BRINP3: variants seen among roughly 807,000 people sequenced by gnomAD.
BRINP3 encodes BMP/retinoic acid inducible neural specific 3, also known as BMP/retinoic acid-inducible neural-specific protein 3.
A neutral mutation model predicts 71.0 loss-of-function variants in BRINP3; 19 were observed. The ratio of observed to expected loss-of-function variants is 0.27; its 90% CI spans 0.19 to 0.39. The LOEUF (loss-of-function observed/expected upper bound fraction) is 0.39. Among genes scored for constraint, BRINP3 ranks in the 10% least tolerant of loss-of-function variants. BRINP3 has a pLI of 1.00. For synonymous variants in BRINP3, 380 were observed against 337.7 expected (o/e 1.13, Z -1.37); for missense variants, 959 against 940.8 (o/e 1.02, Z -0.25).
chr1:190,422,748 C>G (rs1349531804), intron 2 of BRINP3, among the ~76,000 whole-genome samples: 1 of 151,788 alleles, frequency 6.6e-6, no homozygotes, highest in Non-Finnish European at 1.5e-5. Flanking sequence ...AAGTCTAAAC[C>G]TCATTCGAAA....
At chr1:190,276,848 G>T (rs1026035076) in intron 3 of BRINP3, among the ~76,000 whole-genome samples, 9 of 150,004 alleles carry the variant, frequency 6.0e-5, no homozygotes, top group Non-Finnish European at 1.3e-4. Flanking sequence ...TAATCAAAAT[G>T]TATATTATCT....
chr1:190,304,559 C>T (rs537395752), intron 2 of BRINP3, among the ~76,000 whole-genome samples: 14 of 151,736 alleles, frequency 9.2e-5, no homozygotes, highest in Admixed American at 2.0e-4. Context: ...ACTGGGAAAA[C>T]GATATTATCA....
At chr1:190,181,001 T>A (rs149995712) in intron 6 of BRINP3, among the ~76,000 whole-genome samples, 1 of 152,038 alleles carries the variant, frequency 6.6e-6, no homozygotes, top group African/African-American at 2.4e-5. Context: ...TCAGTACTAT[T>A]CTATCACTAC....
rs1222291505 is a variant in BRINP3, at chr1:190,165,443, GT to G, written c.962-4554del. On this transcript the variant is annotated intron_variant, in intron 6 of 7. Coordinates refer to ENST00000367462, the MANE Select transcript of BRINP3 (RefSeq NM_199051.3). ...GCAAGTATGCTCTGTTTCATTGGCT[GT>G]TTTTTTTTTTTTTTTTTGTGTGTGT... 8.9e-3 allele frequency among the ~76,000 whole-genome samples: 416 copies of G among 46,594 alleles called. 3 individuals are homozygous for G. The highest frequency in any genetic ancestry group is 0.017 in the Admixed American group (69 of 4,114). The allele number at this position is 46,594 out of a possible 152,430, so 30.6% of individuals were successfully genotyped here.
chr1:190,189,443 C>T (rs181854793), intron 6 of BRINP3, among the ~76,000 whole-genome samples: 31 of 151,972 alleles, frequency 2.0e-4, no homozygotes, highest in Middle Eastern at 3.4e-3. Context: ...CTTTCTTCAT[C>T]CCTTCTATTA....
chr1:190,237,737 T>C (rs1015061492), intron 4 of BRINP3, among the ~76,000 whole-genome samples: 1 of 152,060 alleles, frequency 6.6e-6, no homozygotes, highest in Non-Finnish European at 1.5e-5. Context: ...TTATTTTATT[T>C]GTTTCCTAGT....
At chr1:190,412,336 A>C (rs1672721336) in intron 2 of BRINP3, among the ~76,000 whole-genome samples, 1 of 150,132 alleles carries the variant, frequency 6.7e-6, no homozygotes, top group African/African-American at 2.4e-5. Flanking sequence ...TAAAAATCAT[A>C]TACTGTAAAT....
At chr1:190,463,936 G>A (rs985827921) in intron 1 of BRINP3, among the ~76,000 whole-genome samples, 6 of 151,716 alleles carry the variant, frequency 4.0e-5, no homozygotes, top group South Asian at 2.1e-4. Context: ...TAGGCCATTC[G>A]TCCTATAAAT....
intron 6 of BRINP3, among the ~76,000 whole-genome samples, chr1:190,205,256 C>A (rs1655396625): frequency 7.0e-6 from 1 of 143,046 alleles, no homozygotes; most frequent in African/African-American, 2.6e-5. Context: ...TAGATGTATG[C>A]AACTTCTGAG....
intron 2 of BRINP3, among the ~76,000 whole-genome samples, chr1:190,452,687 C>T (rs1418635181): frequency 6.6e-6 from 1 of 152,160 alleles, no homozygotes; most frequent in African/African-American, 2.4e-5. Context: ...GAAATCCCGT[C>T]TCTACCAACA....
At position 190,198,494 on chromosome 1, in the gene BRINP3, G is replaced by A. The variant is rs187453351; in HGVS notation, c.961+27588C>T. Among the ~76,000 whole-genome samples the A allele has an allele frequency of 7.0e-4, 106 of 151,820 alleles. 2 individuals carry two copies. Among genetic ancestry groups the A allele is most frequent in the Non-Finnish European group, 2.7e-4 (18 of 67,840 alleles). On this transcript the variant is annotated intron_variant, in intron 6 of 7. Transcript: ENST00000367462. ...ATATTTGTGAATATATACATAAAACGGAATGATTTTAACAGCACCCAAATC... is the reference window on the plus strand; with the variant it reads ...ATATTTGTGAATATATACATAAAACAGAATGATTTTAACAGCACCCAAATC...
intron 6 of BRINP3, among the ~76,000 whole-genome samples, chr1:190,201,800 C>T (rs966109086): frequency 5.9e-5 from 9 of 152,278 alleles, no homozygotes; most frequent in South Asian, 2.1e-4. Context: ...TGTGAATGCA[C>T]GGAAGTCAAG....
At chr1:190,135,427 A>G (rs1033995404) in intron 7 of BRINP3, among the ~76,000 whole-genome samples, 5 of 152,044 alleles carry the variant, frequency 3.3e-5, no homozygotes, top group Non-Finnish European at 7.4e-5. Context: ...GCATTTAGAA[A>G]TTTGTTATAA....
At position 190,307,840 on chromosome 1, in the gene BRINP3, A is replaced by G. The variant is rs1183194399; in HGVS notation, c.237-26090T>C. Among the ~76,000 whole-genome samples the G allele has an allele frequency of 3.3e-5, 5 of 152,162 alleles. No individual in the cohort carries two copies. In the East Asian group the frequency reaches 9.7e-4, roughly 29 times the overall value. On this transcript the variant is annotated intron_variant, in intron 2 of 7. Coordinates refer to ENST00000367462, the MANE Select transcript of BRINP3 (RefSeq NM_199051.3). The stretch of plus-strand genomic sequence containing the variant: ...CTGCAAGATGGTGGATTGTCCTACC[A>G]TAAAAATAATTAAATGTGTGACTAA...
At chr1:190,203,102 C>T (rs949457814) in intron 6 of BRINP3, among the ~76,000 whole-genome samples, 1 of 152,102 alleles carries the variant, frequency 6.6e-6, no homozygotes, top group African/African-American at 2.4e-5. Flanking sequence ...TTCTTCAATT[C>T]TGTACCAAGA....
In BRINP3 at chr1:190,098,762, C is replaced by T. The variant is rs1457993387; in HGVS notation, c.1557G>A (p.Met519Ile). The change falls in exon 8 of 8, where the codon ATG becomes ATA. Residue 519 changes from methionine (M) to isoleucine (I), a missense_variant. Met to Ile is a conservative substitution (Grantham distance 10). Transcript: ENST00000367462. ...AGGGATCAAACCAGCTATTGAGGCG[C>T]ATGTCATTGCTGATAAAAATGGCAT... ...EVHAIFISND[M>I]RLNSWFDPSW... 8 of 1,614,070 alleles carry T rather than the reference C, an allele frequency of 5.0e-6. No individual in the cohort carries two copies.
At chr1:190,477,282 T>G (rs2102735688) in intron 1 of BRINP3, 166 bp downstream of exon 1, 1 of 152,308 alleles carries the variant, frequency 6.6e-6, no homozygotes, top group African/African-American at 2.4e-5. Flanking sequence ...GGGTTATGTC[T>G]TAGCAGTGCA....
chr1:190,390,649 G>C (rs1315769905), intron 2 of BRINP3, among the ~76,000 whole-genome samples: 1 of 151,666 alleles, frequency 6.6e-6, no homozygotes, highest in Non-Finnish European at 1.5e-5. Flanking sequence ...AAGAGAAAAA[G>C]GGCTCACCTT....
intron 2 of BRINP3, among the ~76,000 whole-genome samples, chr1:190,441,792 A>G (rs1008891461): frequency 7.2e-5 from 11 of 152,242 alleles, no homozygotes; most frequent in African/African-American, 2.6e-4. Flanking sequence ...TACTTCAATA[A>G]AAGAGAATAG....
Sources: allele counts gnomAD v4.1 joint callset (sites outside exome capture counted in the v4.1 genomes callset), GRCh38; gene constraint gnomAD v4.1.1; transcripts MANE v1.5; gene names NCBI Gene and HGNC (gene_info 2026-07-23, HGNC 2026-07-21).